Variants in RBFOX1 observed in about 807,000 individuals in gnomAD.
RBFOX1 encodes the protein RNA binding fox-1 homolog 1.
In RBFOX1, 8 loss-of-function variants were observed where a neutral mutation model predicts 57.7. The ratio of observed to expected loss-of-function variants is 0.14; its 90% CI spans 0.08 to 0.25. The LOEUF (loss-of-function observed/expected upper bound fraction) is 0.25, where lower values mean the gene tolerates loss of function less well. Among genes scored for constraint, RBFOX1 ranks in the 10% least tolerant of loss-of-function variants. The pLI, the probability that RBFOX1 is intolerant of heterozygous loss-of-function variation, is 1.00. For missense variants in RBFOX1, 611 were observed against 548.5 expected (o/e 1.11, Z -1.14); for synonymous variants, 326 against 222.4 (o/e 1.47, Z -4.15).
intron 2 of RBFOX1, among the ~76,000 whole-genome samples, chr16:6,402,104 A>G (rs981073455): frequency 2.6e-5 from 4 of 152,202 alleles, no homozygotes; most frequent in African/African-American, 9.6e-5. Flanking sequence ...GAAAAAAAAA[A>G]AAAAGCATTT....
At chr16:7,514,937 A>G (rs957978200) in intron 4 of RBFOX1, among the ~76,000 whole-genome samples, 4 of 152,168 alleles carry the variant, frequency 2.6e-5, no homozygotes, top group African/African-American at 9.7e-5. Flanking sequence ...GGAGGAGGGA[A>G]ACCTTTGTCT....
At chr16:6,195,269 G>A (rs918151901) in intron 1 of RBFOX1, among the ~76,000 whole-genome samples, 1 of 152,124 alleles carries the variant, frequency 6.6e-6, no homozygotes, top group African/African-American at 2.4e-5. Context: ...TGCCTTGTAA[G>A]CCAGTCTTAT....
intron 2 of RBFOX1, among the ~76,000 whole-genome samples, chr16:6,370,853 C>T (rs1295250980): frequency 6.6e-6 from 1 of 152,076 alleles, no homozygotes. Context: ...GTATATTTTG[C>T]TACAATTTTT....
chr16:7,538,854 C>T, intron 5 of RBFOX1, among the ~76,000 whole-genome samples: 1 of 148,460 alleles, frequency 6.7e-6, no homozygotes, highest in Non-Finnish European at 1.5e-5. Flanking sequence ...CCCGCACCCC[C>T]ACCCCCACCC....
exon 3 of RBFOX1, chr16:5,599,433 G>A: frequency 3.6e-6 from 2 of 561,090 alleles, no homozygotes; most frequent in Non-Finnish European, 6.3e-6. Flanking sequence ...CTGGGATGAT[G>A]GCAGTGAATT....
chr16:6,570,998 A>G (rs529092775), intron 2 of RBFOX1, among the ~76,000 whole-genome samples: 135 of 152,254 alleles, frequency 8.9e-4, no homozygotes, highest in Non-Finnish European at 1.4e-3. Flanking sequence ...TTTACTAAAT[A>G]TAGACTCCTG....
intron 3 of RBFOX1, among the ~76,000 whole-genome samples, chr16:6,679,448 G>A (rs552868240): frequency 1.4e-4 from 22 of 152,142 alleles, no homozygotes; most frequent in Admixed American, 5.9e-4. Flanking sequence ...TCGTTTCTTG[G>A]TCTCACTTTC....
intron 3 of RBFOX1, among the ~76,000 whole-genome samples, chr16:5,644,186 T>C (rs1186043348): frequency 6.6e-6 from 1 of 152,226 alleles, no homozygotes; most frequent in African/African-American, 2.4e-5. Context: ...TAGCCCCTTG[T>C]AGAGTTAAAG....
intron 1 of RBFOX1, among the ~76,000 whole-genome samples, chr16:6,238,226 A>T (rs2097521826): frequency 6.6e-6 from 1 of 152,142 alleles, no homozygotes; most frequent in Admixed American, 6.6e-5. Context: ...GTCTGCATTC[A>T]CAGTGGAATT....
chr16:5,449,310 G>C (rs1028742546), intron 1 of RBFOX1, among the ~76,000 whole-genome samples: 6 of 152,204 alleles, frequency 3.9e-5, no homozygotes, highest in African/African-American at 1.4e-4. Context: ...AGCCTCCTCA[G>C]AGAAGTCTCC....
At chr16:7,350,380 A>G (rs1300172446) in intron 4 of RBFOX1, among the ~76,000 whole-genome samples, 1 of 152,172 alleles carries the variant, frequency 6.6e-6, no homozygotes, top group Non-Finnish European at 1.5e-5. Context: ...CAGTGGGTAA[A>G]GAGGGAGGAT....
Position 5,625,918 on chromosome 16 carries a change from C to T in RBFOX1, c.318+26957C>T, listed in dbSNP as rs1333282469. Reference sequence around the variant, plus strand: ...TGAGATGGAGTTTCACTCTTGTTGCCCAGGCTAGAGTTCAATGGCACAATC... The same window carrying T: ...TGAGATGGAGTTTCACTCTTGTTGCTCAGGCTAGAGTTCAATGGCACAATC... On this transcript the variant is annotated intron_variant, in intron 3 of 19. Coordinates refer to the RBFOX1 transcript ENST00000641259. Among the ~76,000 whole-genome samples, 4 of 151,392 alleles carry T rather than the reference C, an allele frequency of 2.6e-5. No individual in the cohort carries two copies. The East Asian group carries it at 7.8e-4, about 29-fold the overall frequency.
At chr16:6,035,149 C>T (rs956381198) in intron 1 of RBFOX1, among the ~76,000 whole-genome samples, 7 of 152,214 alleles carry the variant, frequency 4.6e-5, no homozygotes, top group African/African-American at 1.2e-4. Context: ...CAACCAAAGA[C>T]GTCTCCAGAT....
At chr16:5,710,268 A>G (rs1047373295) in intron 3 of RBFOX1, among the ~76,000 whole-genome samples, 1 of 152,178 alleles carries the variant, frequency 6.6e-6, no homozygotes, top group Non-Finnish European at 1.5e-5. Context: ...ACCCAATGTC[A>G]CACAGCTTGT....
chr16:7,696,544 T>TC (rs1358708930), intron 14 of RBFOX1, among the ~76,000 whole-genome samples: 1 of 145,898 alleles, frequency 6.9e-6, no homozygotes, highest in African/African-American at 2.8e-5. Context: ...GACTAGAAAT[T>TC]CATTTTAGTC....
chr16:6,182,942 C>T (rs1290231906), intron 1 of RBFOX1, among the ~76,000 whole-genome samples: 1 of 152,034 alleles, frequency 6.6e-6, no homozygotes, highest in African/African-American at 2.4e-5. Flanking sequence ...TGTGTTTATA[C>T]TAATTTAGTA....
At chr16:7,319,583 C>T (rs941214868) in intron 4 of RBFOX1, among the ~76,000 whole-genome samples, 1 of 152,104 alleles carries the variant, frequency 6.6e-6, no homozygotes, top group Admixed American at 6.6e-5. Flanking sequence ...AATTCTTGTT[C>T]ACCACCCACC....
intron 1 of RBFOX1, among the ~76,000 whole-genome samples, chr16:5,372,374 G>A (rs143555275): frequency 3.4e-4 from 52 of 152,316 alleles, no homozygotes; most frequent in African/African-American, 1.2e-3. Context: ...TGAGGTCTAT[G>A]TATTGGGTGT....
At chr16:5,837,503 A>C (rs2056497731) in intron 3 of RBFOX1, among the ~76,000 whole-genome samples, 2 of 151,800 alleles carry the variant, frequency 1.3e-5, no homozygotes, top group Non-Finnish European at 2.9e-5. Context: ...TCCTCCACAG[A>C]CATTCCCACT....
Sources: gnomAD v4.1 joint callset for allele counts (sites outside exome capture counted in the v4.1 genomes callset) on GRCh38, gnomAD v4.1.1 for gene constraint, MANE v1.5 for transcripts, NCBI Gene and HGNC (gene_info 2026-07-23, HGNC 2026-07-21) for gene names.